Variants in CEP135 observed in about 807,000 individuals in gnomAD.
CEP135 encodes centrosomal protein 135.
CEP135 carries 142 observed loss-of-function variants against 157.3 expected under a neutral mutation model. That is an observed-to-expected ratio of 0.90 (90% CI 0.79 to 1.04). The LOEUF (loss-of-function observed/expected upper bound fraction) is 1.04, where lower values mean the gene tolerates loss of function less well. Among genes scored for constraint, CEP135 ranks in the 50% least tolerant of loss-of-function variants. The pLI is 0.00. For missense variants in CEP135, 1,317 were observed against 1,309.2 expected (o/e 1.01, Z -0.09); for synonymous variants, 396 against 439.8 (o/e 0.90, Z 1.25).
intron 17 of CEP135, among the ~76,000 whole-genome samples, chr4:56,001,748 A>G (rs1007343218): frequency 5.2e-5 from 6 of 116,488 alleles, no homozygotes; most frequent in African/African-American, 1.1e-4. Flanking sequence ...AGTGGTTCCA[A>G]TTTATTTGAG....
At chr4:55,968,195 ACTTAACCAATGAGATGAAAAACC>A (rs1441216452) in intron 8 of CEP135, among the ~76,000 whole-genome samples, 2 of 152,344 alleles carry the variant, frequency 1.3e-5, no homozygotes, top group East Asian at 3.9e-4. Context: ...TTAGAAATAA[ACTTAACCAATGAGATGAAAAACC>A]CTTACACTTG....
intron 4 of CEP135, among the ~76,000 whole-genome samples, chr4:55,954,929 A>C (rs1191588763): frequency 6.6e-6 from 1 of 152,106 alleles, no homozygotes; most frequent in Non-Finnish European, 1.5e-5. Context: ...AAAAATACAA[A>C]AATTAGCTGG....
At chr4:56,000,702 T>A (rs976559464) in intron 17 of CEP135, among the ~76,000 whole-genome samples, 2 of 152,244 alleles carry the variant, frequency 1.3e-5, no homozygotes, top group African/African-American at 4.8e-5. Context: ...ATATTTCCTG[T>A]GTATATATAC....
intron 7 of CEP135, chr4:55,965,336 C>A (rs1577870924): frequency 4.9e-6 from 1 of 205,274 alleles, no homozygotes; most frequent in Non-Finnish European, 9.7e-6. Context: ...CTAGAGGCTA[C>A]TATATTGAAC....
At position 56,019,558 on chromosome 4, in the gene CEP135, A is replaced by G; in HGVS notation, c.3215+3A>G. 1 of 1,600,578 alleles carries G rather than the reference A, an allele frequency of 6.2e-7. No homozygotes were observed. Among genetic ancestry groups the G allele is most frequent in the South Asian group, 1.1e-5 (1 of 88,926 alleles). ...TTAACCCTTTCTGAAAGCAAATTGT[A>G]AGTGTCTTAAGTCAACTTATGCAAA... is the stretch of plus-strand genomic sequence containing the variant. On this transcript the variant is annotated splice_donor_region_variant and intron_variant, in intron 23 of 25. Coordinates refer to ENST00000257287, the MANE Select transcript of CEP135 (RefSeq NM_025009.5).
chr4:56,007,924 A>T (rs1730414447), intron 17 of CEP135, among the ~76,000 whole-genome samples: 1 of 152,204 alleles, frequency 6.6e-6, no homozygotes, highest in South Asian at 2.1e-4. Flanking sequence ...GATTGAAGTC[A>T]GCTTGTGACT....
chr4:55,957,414 G>A (rs1728543707), intron 5 of CEP135, 50 bp downstream of exon 5: 3 of 1,545,934 alleles, frequency 1.9e-6, no homozygotes, highest in Non-Finnish European at 2.6e-6. Context: ...CACTCAATTA[G>A]CTGTAAGTTT....
intron 21 of CEP135, among the ~76,000 whole-genome samples, chr4:56,016,843 T>G (rs1730792127): frequency 6.6e-6 from 1 of 152,002 alleles, no homozygotes; most frequent in Admixed American, 6.6e-5. Flanking sequence ...CAGCTAATTT[T>G]TGTATTTTTT....
Position 56,017,827 on chromosome 4 carries a change from A to G in CEP135, c.2982A>G (p.Gln994=), listed in dbSNP as rs1730832799. The change falls in exon 22 of 26, where the codon CAA becomes CAG. Residue 994 remains glutamine, a synonymous_variant. Transcript: ENST00000257287. ...LDSGKDIMTQ[Q]LNSKNLEFER... is the part of the protein sequence containing the mutation. ...CAGGCAAAGATATTATGACCCAGCA[A>G]TTGAATTCGAAAAACCTTGAGTTTG... is the stretch of plus-strand genomic sequence containing the variant. The G allele has an allele frequency of 6.2e-7, 1 of 1,613,028 alleles. No homozygotes were observed. The highest frequency in any genetic ancestry group is 1.1e-5 in the South Asian group (1 of 90,958).
At chr4:55,996,659 A>G (rs1424342091) in intron 15 of CEP135, among the ~76,000 whole-genome samples, 4 of 151,978 alleles carry the variant, frequency 2.6e-5, no homozygotes, top group South Asian at 4.1e-4. Context: ...GGCTATAACC[A>G]TAGACTCCTG....
chr4:56,006,317 TC>T (rs1173469317), intron 17 of CEP135, among the ~76,000 whole-genome samples: 2 of 152,224 alleles, frequency 1.3e-5, no homozygotes, highest in South Asian at 4.1e-4. Flanking sequence ...AAATAGCTTG[TC>T]TTCAAGCTCA....
chr4:56,012,704 T>C (rs1303504198), intron 21 of CEP135, among the ~76,000 whole-genome samples: 2 of 152,240 alleles, frequency 1.3e-5, no homozygotes, highest in African/African-American at 4.8e-5. Flanking sequence ...CCATATTGTG[T>C]AGCATGTGTC....
intron 17 of CEP135, among the ~76,000 whole-genome samples, chr4:56,002,203 ACTT>A (rs1339021864): frequency 2.6e-5 from 4 of 151,796 alleles, no homozygotes; most frequent in Non-Finnish European, 4.4e-5. Flanking sequence ...GGCTAATTTG[ACTT>A]CTTCTTTTCA....
intron 22 of CEP135, 48 bp downstream of exon 22, chr4:56,017,905 C>CT (rs1730836077): frequency 1.3e-6 from 2 of 1,497,926 alleles, no homozygotes; most frequent in Non-Finnish European, 1.8e-6. Context: ...GAGCCCTACT[C>CT]TAATTATTTT....
At position 55,980,378 on chromosome 4, in the gene CEP135, CTATAA is replaced by C. The variant is rs1285325363; in HGVS notation, c.1626+88_1626+92del. ...GAGCCTGTATATATCTTTCACATTA[CTATAA>C]TATATGGACCTGTGATATTTCTTCA... On this transcript the variant is annotated intron_variant, in intron 12 of 25. Coordinates refer to ENST00000257287, the MANE Select transcript of CEP135 (RefSeq NM_025009.5). 6 of 804,962 alleles carry C rather than the reference CTATAA, an allele frequency of 7.5e-6. No homozygotes were observed. In the East Asian group the frequency reaches 1.1e-4, roughly 15 times the overall value. The allele number at this position is 804,962 out of a possible 1,614,324, so 49.9% of individuals were successfully genotyped here.
In CEP135 at chr4:55,957,209, C is replaced by T. The variant is rs1560397218; in HGVS notation, c.473-14C>T. ...TGTTTCTTCTTAGTTTTTTAAGACA[C>T]TCATTCTTTTTAGGTGGCAAGAAAA... is the stretch of plus-strand genomic sequence containing the variant. On this transcript the variant is annotated splice_polypyrimidine_tract_variant and intron_variant, in intron 4 of 25. Transcript: ENST00000257287. 6.2e-7 allele frequency: 1 copy of T among 1,609,610 alleles called. No homozygotes were observed. Among genetic ancestry groups the T allele is most frequent in the Non-Finnish European group, 8.5e-7 (1 of 1,178,820 alleles).
chr4:55,953,033 A>G (rs1436930750), intron 2 of CEP135, 52 bp from the exon 3 acceptor site: 1 of 1,384,358 alleles, frequency 7.2e-7, no homozygotes, highest in African/African-American at 1.5e-5. Context: ...GTTTTTAGTT[A>G]TTAGAAAGTT....
Position 55,964,407 on chromosome 4 carries a change from T to C in CEP135, c.828+5T>C. 4 of 1,591,012 alleles carry C rather than the reference T, an allele frequency of 2.5e-6. No homozygotes were observed. The highest frequency in any genetic ancestry group is 3.4e-6 in the Non-Finnish European group (4 of 1,162,986). On this transcript the variant is annotated splice_donor_5th_base_variant and intron_variant, in intron 7 of 25. Coordinates refer to ENST00000257287, the MANE Select transcript of CEP135 (RefSeq NM_025009.5). Reference sequence around the variant, plus strand: ...ATTGCTCATTTAAATATTCAGGTAATGGCTTTTATAATTATTTCACTGAGT... The same window carrying C: ...ATTGCTCATTTAAATATTCAGGTAACGGCTTTTATAATTATTTCACTGAGT...
chr4:56,010,230 G>A (rs1437137902), intron 19 of CEP135, among the ~76,000 whole-genome samples: 5 of 144,118 alleles, frequency 3.5e-5, no homozygotes, highest in African/African-American at 1.3e-4. Flanking sequence ...AGGCCTGGCG[G>A]CATGCGCCTG....
Sources: allele counts gnomAD v4.1 joint callset (sites outside exome capture counted in the v4.1 genomes callset), GRCh38; gene constraint gnomAD v4.1.1; transcripts MANE v1.5; gene names NCBI Gene and HGNC (gene_info 2026-07-23, HGNC 2026-07-21).